Variants in USH2A observed in about 807,000 individuals in gnomAD.
USH2A encodes the protein usherin.
Under a neutral mutation model 538.9 loss-of-function variants are expected in USH2A, and 443 were observed. That is an observed-to-expected ratio of 0.82 (90% CI 0.76 to 0.89). The LOEUF (loss-of-function observed/expected upper bound fraction) is 0.89. USH2A is among the 40% of genes least tolerant of loss of function. The pLI is 0.00. For synonymous variants in USH2A, 2,413 were observed against 2,273.5 expected (o/e 1.06, Z -1.75); for missense variants, 6,633 against 6,324.8 (o/e 1.05, Z -1.65).
intron 37 of USH2A, among the ~76,000 whole-genome samples, chr1:215,945,771 A>G (rs1666745351): frequency 6.6e-6 from 1 of 152,156 alleles, no homozygotes; most frequent in South Asian, 2.1e-4. Context: ...GAAACTGGCT[A>G]AAAAGCGGAC....
intron 32 of USH2A, among the ~76,000 whole-genome samples, chr1:216,027,605 T>C (rs912403048): frequency 6.6e-6 from 1 of 152,192 alleles, no homozygotes; most frequent in African/African-American, 2.4e-5. Flanking sequence ...TTTTCTTTAC[T>C]GACTTGGAAG....
At chr1:216,294,450 A>G (rs1337533215) in intron 9 of USH2A, among the ~76,000 whole-genome samples, 2 of 151,898 alleles carry the variant, frequency 1.3e-5, no homozygotes, top group African/African-American at 2.4e-5. Flanking sequence ...ATAATTAAAC[A>G]TCATGTATTT....
intron 9 of USH2A, among the ~76,000 whole-genome samples, chr1:216,308,326 ATG>A (rs2037355225): frequency 6.6e-6 from 1 of 152,146 alleles, no homozygotes. Context: ...TAAGTGGTGT[ATG>A]AGTCCCCACT....
intron 4 of USH2A, among the ~76,000 whole-genome samples, chr1:216,341,738 A>C (rs1255934271): frequency 6.6e-6 from 1 of 152,178 alleles, no homozygotes; most frequent in Non-Finnish European, 1.5e-5. Flanking sequence ...AAAAACAAGC[A>C]ATGGGGAAAA....
At chr1:215,681,332 A>ACAC (rs1658223532) in intron 61 of USH2A, among the ~76,000 whole-genome samples, 1 of 148,106 alleles carries the variant, frequency 6.8e-6, no homozygotes, top group African/African-American at 2.5e-5. Context: ...CACACACACG[A>ACAC]ACACACACAC....
chr1:215,686,993 G>A (rs999772880), intron 61 of USH2A, among the ~76,000 whole-genome samples: 33 of 152,030 alleles, frequency 2.2e-4, no homozygotes, highest in African/African-American at 8.0e-4. Context: ...TCAGAACCAT[G>A]CCTTCCTGAA....
At chr1:216,009,310 A>G (rs978409632) in intron 32 of USH2A, among the ~76,000 whole-genome samples, 1 of 151,974 alleles carries the variant, frequency 6.6e-6, no homozygotes, top group African/African-American at 2.4e-5. Flanking sequence ...GTTTTTAAGA[A>G]CTTAAAACCT....
chr1:215,805,986 A>AC, intron 49 of USH2A, among the ~76,000 whole-genome samples: 1 of 131,150 alleles, frequency 7.6e-6, no homozygotes, highest in East Asian at 2.5e-4. Context: ...GACACAATCA[A>AC]AAAAAAAAAA....
intron 30 of USH2A, among the ~76,000 whole-genome samples, chr1:216,065,998 A>G (rs149829786): frequency 7.0e-4 from 107 of 152,300 alleles, no homozygotes; most frequent in African/African-American, 2.6e-3. Flanking sequence ...TAAAAAACTA[A>G]TCTCTCTAGT....
Position 215,879,028 on chromosome 1 carries a change from T to C in USH2A, c.8294A>G (p.His2765Arg). ...LSYEIHMPDP[H>R]ITLTNVTSAV... is the part of the protein sequence containing the mutation. ...GGAAGTCACATTGGTTAAAGTGATG[T>C]GAGGGTCAGGCATGTGAATCTCATA... The change falls in exon 42 of 72, where the codon CAC becomes CGC. Residue 2765 changes from histidine to arginine, a missense_variant. Transcript: ENST00000307340. 1.2e-6 allele frequency: 2 copies of C among 1,614,106 alleles called. No homozygotes were observed. Among genetic ancestry groups the C allele is most frequent in the Non-Finnish European group, 1.7e-6 (2 of 1,179,972 alleles).
At chr1:216,032,724 T>C (rs566766065) in intron 32 of USH2A, among the ~76,000 whole-genome samples, 10 of 152,206 alleles carry the variant, frequency 6.6e-5, no homozygotes, top group South Asian at 2.1e-4. Context: ...TCCTCCATCA[T>C]TGAGATGGAG....
intron 35 of USH2A, among the ~76,000 whole-genome samples, chr1:215,978,115 A>G (rs538100960): frequency 6.6e-6 from 1 of 152,326 alleles, no homozygotes; most frequent in Non-Finnish European, 1.5e-5. Context: ...TGACAAAGTG[A>G]GAGCCTTTCT....
chr1:216,128,601 A>C (rs2033305469), intron 21 of USH2A, among the ~76,000 whole-genome samples: 1 of 152,020 alleles, frequency 6.6e-6, no homozygotes, highest in Non-Finnish European at 1.5e-5. Flanking sequence ...TTAAATTGTA[A>C]AATTTTTAAT....
chr1:215,849,443 T>A (rs183917177), intron 44 of USH2A, among the ~76,000 whole-genome samples: 4 of 151,590 alleles, frequency 2.6e-5, no homozygotes, highest in Non-Finnish European at 5.9e-5. Context: ...ATGAGCAGAG[T>A]TAAAAATGCA....
chr1:215,978,811 C>G lies in USH2A; in HGVS notation c.6806-8035G>C, dbSNP rs141950486. ...GACTTCAATAAGTCATATGATGAAG[C>G]TAAGTCTCCCATGAAAGGTAATATG... On this transcript the variant is annotated intron_variant, in intron 35 of 71. Coordinates refer to ENST00000307340, the MANE Select transcript of USH2A (RefSeq NM_206933.4). Among the ~76,000 whole-genome samples the G allele has an allele frequency of 2.0e-3, 302 of 152,256 alleles. 1 individual carries two copies. The highest frequency in any genetic ancestry group is 6.5e-3 in the African/African-American group (270 of 41,562).
intron 44 of USH2A, among the ~76,000 whole-genome samples, chr1:215,852,906 C>T (rs1664056895): frequency 6.6e-6 from 1 of 152,194 alleles, no homozygotes; most frequent in Admixed American, 6.5e-5. Context: ...CTCCTGGCTG[C>T]TTTCACAGGT....
intron 9 of USH2A, among the ~76,000 whole-genome samples, chr1:216,306,157 A>G (rs1025362239): frequency 2.0e-5 from 3 of 151,768 alleles, no homozygotes; most frequent in African/African-American, 7.3e-5. Flanking sequence ...TTATTCTTAG[A>G]TTTGGTCGTT....
At chr1:216,301,256 A>C (rs1425415666) in intron 9 of USH2A, among the ~76,000 whole-genome samples, 2 of 152,204 alleles carry the variant, frequency 1.3e-5, no homozygotes, top group Admixed American at 1.3e-4. Context: ...AAGTCCTTGC[A>C]AAAGGCTGGG....
intron 32 of USH2A, among the ~76,000 whole-genome samples, chr1:216,024,331 A>T (rs1313244436): frequency 6.6e-6 from 1 of 152,062 alleles, no homozygotes; most frequent in Non-Finnish European, 1.5e-5. Flanking sequence ...TATATTATTT[A>T]TCACATCTAT....
Sources: allele counts gnomAD v4.1 joint callset (sites outside exome capture counted in the v4.1 genomes callset), GRCh38; gene constraint gnomAD v4.1.1; transcripts MANE v1.5; gene names NCBI Gene and HGNC (gene_info 2026-07-23, HGNC 2026-07-21).